The following LIPK variants were observed in gnomAD, a reference collection of about 807,000 sequenced individuals.
The protein encoded by LIPK is lipase member K.
Under a neutral mutation model 48.6 loss-of-function variants are expected in LIPK, and 32 were observed. That is an observed-to-expected ratio of 0.66 (90% CI 0.50 to 0.88). The LOEUF is 0.88. Ranked by LOEUF, LIPK falls within the 40% of genes least tolerant of loss-of-function variation. The pLI is 0.00. For synonymous variants in LIPK, 164 were observed against 157.4 expected, an observed-to-expected ratio of 1.04 and a Z score of -0.32; for missense variants, 507 against 478.5, an observed-to-expected ratio of 1.06 and a Z score of -0.56.
chr10:88,727,359 G>T, intron 3 of LIPK: 1 of 206,512 alleles, frequency 4.8e-6, no homozygotes, highest in Non-Finnish European at 9.6e-6. Flanking sequence ...TGGATATAAT[G>T]TCTTCAACTA....
chr10:88,727,374 A>C, intron 3 of LIPK: 1 of 196,710 alleles, frequency 5.1e-6, no homozygotes, highest in Non-Finnish European at 1.0e-5. Context: ...CAACTACTAC[A>C]ATGCCTCCTC....
At chr10:88,732,357 C>G in intron 5 of LIPK, 58 bp from the exon 6 acceptor site, 1 of 1,595,678 alleles carries the variant, frequency 6.3e-7, no homozygotes, top group Non-Finnish European at 8.5e-7. Flanking sequence ...TTTACTACAA[C>G]TTAAAATGAA....
intron 6 of LIPK, among the ~76,000 whole-genome samples, chr10:88,734,695 G>A (rs405854): frequency 0.22 from 33,019 of 151,936 alleles, 3,730 homozygotes; most frequent in East Asian, 0.36. Context: ...GTTGGGGATT[G>A]GACAAGAGTT....
chr10:88,735,901 A>T lies in LIPK; in HGVS notation c.670-1734A>T, dbSNP rs550432793. Among the ~76,000 whole-genome samples, 14 of 152,282 alleles carry T rather than the reference A, an allele frequency of 9.2e-5. No individual in the cohort carries two copies. The South Asian group carries it at 1.9e-3, about 20-fold the overall frequency. ...ATTCACCTTTGAGTAAATGCATAGT[A>T]ATTTTGCTGAGTCACAGGATATTGA... is the stretch of plus-strand genomic sequence containing the variant. On this transcript the variant is annotated intron_variant, in intron 6 of 9. Transcript: ENST00000404190.
At chr10:88,735,571 G>A (rs1414566693) in intron 6 of LIPK, among the ~76,000 whole-genome samples, 1 of 152,220 alleles carries the variant, frequency 6.6e-6, no homozygotes, top group Non-Finnish European at 1.5e-5. Context: ...TAGTGAACAA[G>A]GGTGACCAGC....
At chr10:88,740,124 G>A in intron 8 of LIPK, 57 bp downstream of exon 8, 1 of 1,400,634 alleles carries the variant, frequency 7.1e-7, no homozygotes, top group Non-Finnish European at 1.0e-6. Flanking sequence ...CCCTCAAGAA[G>A]TGCTCTCAGA....
chr10:88,722,889 C>CTTTTCTTTTTT (rs1554954607), intron 1 of LIPK, among the ~76,000 whole-genome samples: 1 of 113,206 alleles, frequency 8.8e-6, no homozygotes, highest in South Asian at 2.8e-4. Context: ...TTTCTTTTTT[C>CTTTTCTTTTTT]TTTTTTTTTT....
At chr10:88,725,712 T>C (rs1842323968) in intron 2 of LIPK, among the ~76,000 whole-genome samples, 5 of 152,176 alleles carry the variant, frequency 3.3e-5, no homozygotes, top group Admixed American at 3.3e-4. Flanking sequence ...CTCTTATAAG[T>C]TTAATGAGAA....
At chr10:88,714,805 A>G (rs200467978) in intron 1 of LIPK, among the ~76,000 whole-genome samples, 1 of 151,362 alleles carries the variant, frequency 6.6e-6, no homozygotes, top group East Asian at 1.9e-4. Flanking sequence ...ATTTTTATTA[A>G]TTTTTTCCAA....
intron 1 of LIPK, among the ~76,000 whole-genome samples, chr10:88,720,145 T>C (rs1250130487): frequency 6.6e-6 from 1 of 152,156 alleles, no homozygotes; most frequent in Non-Finnish European, 1.5e-5. Flanking sequence ...TGTACCTTTT[T>C]CCAACCAAAT....
At chr10:88,741,689 A>G (rs747931223) in intron 8 of LIPK, among the ~76,000 whole-genome samples, 13 of 152,140 alleles carry the variant, frequency 8.5e-5, no homozygotes, top group Non-Finnish European at 1.0e-4. Flanking sequence ...GATCATGATG[A>G]TGGGAGTAAT....
intron 1 of LIPK, among the ~76,000 whole-genome samples, chr10:88,716,359 T>TTC (rs1417426349): frequency 1.4e-5 from 2 of 145,744 alleles, no homozygotes; most frequent in East Asian, 2.0e-4. Flanking sequence ...AAAATTTCTT[T>TTC]TTTTTTTTTT....
At chr10:88,735,275 G>C (rs926261574) in intron 6 of LIPK, among the ~76,000 whole-genome samples, 14 of 152,170 alleles carry the variant, frequency 9.2e-5, no homozygotes, top group African/African-American at 3.4e-4. Flanking sequence ...ACATTTATGC[G>C]TTTGTGTTCT....
chr10:88,732,546 G>A lies in LIPK; in HGVS notation c.664G>A (p.Val222Ile). Residue 222 changes from valine to isoleucine, a missense_variant, in exon 6 of 10, where the codon GTT (valine) becomes ATT (isoleucine). Transcript: ENST00000404190. ...ACTAACAACCCTTTCCAGGCGAGTA[G>A]TTAAGGTATGTGACTTCCCAAGTTT... ...KKLTTLSRRV[V>I]KVLFGDKMFH... The A allele has an allele frequency of 2.5e-6, 4 of 1,603,530 alleles. No homozygotes were observed. The highest frequency in any genetic ancestry group is 2.5e-6 in the Non-Finnish European group (3 of 1,177,174).
At chr10:88,742,219 A>G (rs1046211507) in intron 8 of LIPK, among the ~76,000 whole-genome samples, 6 of 152,172 alleles carry the variant, frequency 3.9e-5, no homozygotes, top group African/African-American at 1.4e-4. Flanking sequence ...ACAATTAGAG[A>G]TGAGATTTGG....
At chr10:88,740,764 C>T (rs396394) in intron 8 of LIPK, among the ~76,000 whole-genome samples, 34,032 of 152,000 alleles carry the variant, frequency 0.22, 4,091 homozygotes, top group East Asian at 0.43. Context: ...AATTCTATGA[C>T]GGGGAAAGTG....
rs766952639 is a variant in LIPK, at chr10:88,737,759, T to G, written c.794T>G (p.Phe265Cys). The change falls in exon 7 of 10, where the codon TTT becomes TGT. Residue 265 changes from phenylalanine to cysteine, a missense_variant. Phe to Cys is a radical substitution (Grantham distance 205, BLOSUM62 -2). Coordinates refer to ENST00000404190, the MANE Select transcript of LIPK (RefSeq NM_001080518.2). The part of the protein sequence containing the change: ...CSNFLFTLSG[F>C]DPQNLNMSRL... ...AACTTCCTATTTACTCTGAGTGGAT[T>G]TGATCCGCAAAACTTAAATATGGTA... The G allele has an allele frequency of 1.2e-6, 2 of 1,613,760 alleles. No homozygotes were observed. The highest frequency in any genetic ancestry group is 2.7e-5 in the African/African-American group (2 of 74,948).
At chr10:88,716,972 G>A (rs1842131594) in intron 1 of LIPK, among the ~76,000 whole-genome samples, 1 of 152,126 alleles carries the variant, frequency 6.6e-6, no homozygotes, top group Non-Finnish European at 1.5e-5. Context: ...GCAGACAGAT[G>A]ATAAGATGCT....
At chr10:88,743,690 T>A (rs1842721538) in intron 9 of LIPK, among the ~76,000 whole-genome samples, 4 of 152,074 alleles carry the variant, frequency 2.6e-5, no homozygotes, top group Admixed American at 2.6e-4. Flanking sequence ...TCTGAGCAGA[T>A]CTTCAGAAGA....
Sources: gnomAD v4.1 joint callset for allele counts (sites outside exome capture counted in the v4.1 genomes callset) on GRCh38, gnomAD v4.1.1 for gene constraint, MANE v1.5 for transcripts, NCBI Gene and HGNC (gene_info 2026-07-23, HGNC 2026-07-21) for gene names.